RANBP2: variants seen among roughly 807,000 people sequenced by gnomAD.
The protein encoded by RANBP2 is RAN binding protein 2.
RANBP2 carries 57 observed loss-of-function variants against 303.6 expected under a neutral mutation model. The ratio of observed to expected loss-of-function variants is 0.19; its 90% CI spans 0.15 to 0.23. The LOEUF is 0.23. Ranked by LOEUF, RANBP2 falls within the 10% of genes least tolerant of loss-of-function variation. The pLI is 1.00. For missense variants in RANBP2, 3,138 were observed against 3,780.8 expected (o/e 0.83, Z 4.46); for synonymous variants, 1,167 against 1,301.5 (o/e 0.90, Z 2.23).
chr2:109,129,721 C>T, the RANBP2 span: 15 of 1,538,024 alleles, frequency 9.8e-6, no homozygotes, highest in Non-Finnish European at 1.3e-5. Context: ...CTCCGTGTGT[C>T]TGGAGCGCCT....
the RANBP2 span, among the ~76,000 whole-genome samples, chr2:109,388,081 GTGCACACACA>G: frequency 3.5e-4 from 54 of 152,264 alleles, 3 homozygotes; most frequent in South Asian, 0.011. Context: ...CTTGACCCCT[GTGCACACACA>G]TGCACACACA....
chr2:109,183,275 G>A, the RANBP2 span, among the ~76,000 whole-genome samples: 6 of 151,238 alleles, frequency 4.0e-5, no homozygotes, highest in Admixed American at 1.3e-4. Context: ...TTAGTTTCAG[G>A]CTTGTGTATT....
chr2:109,221,915 T>C, the RANBP2 span, among the ~76,000 whole-genome samples: 1 of 152,158 alleles, frequency 6.6e-6, no homozygotes, highest in Non-Finnish European at 1.5e-5. Context: ...CCTGCATTTA[T>C]TGCAGCACTA....
chr2:109,041,172 C>T, the RANBP2 span, among the ~76,000 whole-genome samples: 2 of 152,244 alleles, frequency 1.3e-5, no homozygotes, highest in Admixed American at 1.3e-4. Flanking sequence ...TCTATATATC[C>T]AGCAACGTTG....
At chr2:109,743,637 T>G in the RANBP2 span, among the ~76,000 whole-genome samples, 1 of 120,510 alleles carries the variant, frequency 8.3e-6, no homozygotes, top group Admixed American at 8.5e-5. Flanking sequence ...TTTGCAACTT[T>G]TAGTTTTGAT....
the RANBP2 span, among the ~76,000 whole-genome samples, chr2:109,434,491 C>T: frequency 3.3e-5 from 5 of 152,372 alleles, no homozygotes; most frequent in South Asian, 2.1e-4. Flanking sequence ...CAACTCCTGA[C>T]GTGTGTCAGT....
chr2:109,458,601 A>AGAGAGAGAGAGAGAG, the RANBP2 span, among the ~76,000 whole-genome samples: 33 of 148,954 alleles, frequency 2.2e-4, no homozygotes, highest in South Asian at 4.3e-4. Flanking sequence ...AGAGAGAGAG[A>AGAGAGAGAGAGAGAG]ATTTATTTAT....
At chr2:108,786,265 T>C (rs1317683568), downstream of RANBP2, among the ~76,000 whole-genome samples, 1 of 151,188 alleles carries the variant, frequency 6.6e-6, no homozygotes, top group Non-Finnish European at 1.5e-5. Context: ...TTTTTTTTTT[T>C]TTTTAACTTT....
At chr2:109,268,964 G>A in the RANBP2 span, among the ~76,000 whole-genome samples, 1 of 152,152 alleles carries the variant, frequency 6.6e-6, no homozygotes, top group African/African-American at 2.4e-5. Flanking sequence ...TTTTCTGGGG[G>A]ACACAAATGT....
the RANBP2 span, among the ~76,000 whole-genome samples, chr2:109,637,161 T>G: frequency 1.5e-3 from 215 of 147,518 alleles, no homozygotes; most frequent in Admixed American, 4.2e-3. Flanking sequence ...TGGACGTGCA[T>G]GTAAGCCAGA....
At chr2:108,809,448 T>TTTTGTG in the RANBP2 span, among the ~76,000 whole-genome samples, 3 of 141,138 alleles carry the variant, frequency 2.1e-5, no homozygotes, top group African/African-American at 5.2e-5. Flanking sequence ...ACATGAAATG[T>TTTTGTG]TGTGTGTGTG....
the RANBP2 span, among the ~76,000 whole-genome samples, chr2:109,220,572 T>C: frequency 6.6e-6 from 1 of 152,184 alleles, no homozygotes; most frequent in Non-Finnish European, 1.5e-5. Flanking sequence ...CTTCTATAAC[T>C]CAATAATTTA....
the RANBP2 span, among the ~76,000 whole-genome samples, chr2:109,701,594 A>G: frequency 2.0e-5 from 3 of 152,116 alleles, no homozygotes; most frequent in Non-Finnish European, 4.4e-5. Flanking sequence ...TACATAAACA[A>G]TAGGGCAGAA....
chr2:109,743,444 A>C, the RANBP2 span, among the ~76,000 whole-genome samples: 11 of 146,916 alleles, frequency 7.5e-5, 1 homozygote, highest in Non-Finnish European at 1.6e-4. Flanking sequence ...ACCAAAAGCA[A>C]TATCCATAAA....
At chr2:109,170,946 G>A in the RANBP2 span, among the ~76,000 whole-genome samples, 4 of 152,186 alleles carry the variant, frequency 2.6e-5, no homozygotes, top group South Asian at 4.1e-4. Context: ...AGCCCACACC[G>A]GGCTGGGTGC....
At chr2:109,359,668 T>C in the RANBP2 span, among the ~76,000 whole-genome samples, 1 of 152,202 alleles carries the variant, frequency 6.6e-6, no homozygotes, top group African/African-American at 2.4e-5. Context: ...ATCCAAAATT[T>C]TTTGAGCACC....
chr2:109,719,400 G>A, the RANBP2 span, among the ~76,000 whole-genome samples: 1 of 121,784 alleles, frequency 8.2e-6, no homozygotes, highest in Non-Finnish European at 1.7e-5. Context: ...GCACCTGGCT[G>A]TGATATATCT....
chr2:109,331,999 C>T, the RANBP2 span, among the ~76,000 whole-genome samples: 4 of 152,226 alleles, frequency 2.6e-5, no homozygotes, highest in East Asian at 3.9e-4. Context: ...TCGTGGATGC[C>T]GGCTGAGCCT....
the RANBP2 span, among the ~76,000 whole-genome samples, chr2:108,886,560 G>A: frequency 2.0e-5 from 3 of 152,132 alleles, no homozygotes; most frequent in Middle Eastern, 3.4e-3. Flanking sequence ...GACTACAGGC[G>A]CCCGCCACCA....
Sources: allele counts gnomAD v4.1 joint callset (sites outside exome capture counted in the v4.1 genomes callset), GRCh38; gene constraint gnomAD v4.1.1; transcripts MANE v1.5; gene names NCBI Gene and HGNC (gene_info 2026-07-23, HGNC 2026-07-21).